Variants in ZBBX observed in about 807,000 individuals in gnomAD.
The protein encoded by ZBBX is zinc finger B-box domain-containing protein 1.
In ZBBX, 101 loss-of-function variants were observed where a neutral mutation model predicts 108.5. The observed-to-expected ratio is 0.93, with a 90% CI of 0.79 to 1.10. The LOEUF (loss-of-function observed/expected upper bound fraction) is 1.10. ZBBX is among the 50% of genes least tolerant of loss of function. The probability of loss-of-function intolerance (pLI) is 0.00; values close to 1 mark genes in which losing one functional copy is unlikely to be tolerated. For missense variants in ZBBX, 1,009 were observed against 941.4 expected, an observed-to-expected ratio of 1.07 and a Z score of -0.94; for synonymous variants, 356 against 323.4, an observed-to-expected ratio of 1.10 and a Z score of -1.08.
At chr3:167,233,211 C>T in the ZBBX span, among the ~76,000 whole-genome samples, 1 of 151,826 alleles carries the variant, frequency 6.6e-6, no homozygotes, top group African/African-American at 2.4e-5. Context: ...CTTTCCCTCA[C>T]CATGGCCTGG....
At chr3:167,395,729 G>T (rs893430145) in intron 1 of ZBBX, among the ~76,000 whole-genome samples, 6 of 151,960 alleles carry the variant, frequency 3.9e-5, no homozygotes, top group African/African-American at 7.2e-5. Flanking sequence ...CGGATTGAAG[G>T]CTGAGGGTTC....
In ZBBX at chr3:167,242,631, T is replaced by C; in HGVS notation, c.2267A>G (p.Lys756Arg). 6.2e-7 allele frequency: 1 copy of C among 1,608,088 alleles called. No homozygotes were observed. The highest frequency in any genetic ancestry group is 8.5e-7 in the Non-Finnish European group (1 of 1,178,306). The change falls in exon 21 of 22, where the codon AAG (lysine) becomes AGG (arginine). Residue 756 changes from lysine to arginine, a missense_variant. Physicochemically the swap from Lys to Arg is conservative, Grantham distance 26. Transcript: ENST00000675490. ...VLRSLADTSE[K>R]LYSLTSEEFP... is the part of the protein sequence containing the mutation. ...CTCTTCTGAGGTTAAGCTGTAAAGC[T>C]TTTCTGAAGTATCTGAAATATTTTA...
intron 20 of ZBBX, among the ~76,000 whole-genome samples, chr3:167,250,945 G>T (rs2108358469): frequency 6.6e-6 from 1 of 152,266 alleles, no homozygotes; most frequent in Non-Finnish European, 1.5e-5. Context: ...AAAACACACA[G>T]GTAGCCAGAT....
intron 20 of ZBBX, among the ~76,000 whole-genome samples, chr3:167,266,425 AC>A: frequency 6.6e-6 from 1 of 151,894 alleles, no homozygotes; most frequent in African/African-American, 2.4e-5. Flanking sequence ...TAAACAGCTT[AC>A]CCCCTTCCCG....
At position 167,315,744 on chromosome 3, in the gene ZBBX, T is replaced by TTTTACC; in HGVS notation, c.1274_1274+5dup. On this transcript the variant is annotated splice_donor_region_variant and intron_variant, in intron 15 of 21. Transcript: ENST00000675490. The stretch of plus-strand genomic sequence containing the variant: ...ATGCACACAAAGTTAATTAGAAAGG[T>TTTTACC]TTTACCTTCGTTGACTGTCTGCATC... The TTTTACC allele has an allele frequency of 6.2e-7, 1 of 1,602,202 alleles. No individual in the cohort carries two copies. The highest frequency in any genetic ancestry group is 1.7e-5 in the Admixed American group (1 of 59,312).
chr3:167,391,949 C>A (rs564580098), intron 1 of ZBBX, among the ~76,000 whole-genome samples: 75 of 151,758 alleles, frequency 4.9e-4, no homozygotes, highest in African/African-American at 1.7e-3. Flanking sequence ...CACTTGAAAT[C>A]AATACTCTCA....
intron 5 of ZBBX, among the ~76,000 whole-genome samples, chr3:167,366,598 T>C (rs922858140): frequency 6.6e-6 from 1 of 151,838 alleles, no homozygotes; most frequent in African/African-American, 2.4e-5. Context: ...ACAGAATAAA[T>C]AATTAAGATT....
chr3:167,398,719 G>T (rs1748328138), intron 1 of ZBBX, among the ~76,000 whole-genome samples: 1 of 152,058 alleles, frequency 6.6e-6, no homozygotes, highest in Non-Finnish European at 1.5e-5. Flanking sequence ...TATACCAGAA[G>T]TAAATTGTTC....
chr3:167,301,061 TTC>T (rs1732582992), intron 17 of ZBBX, among the ~76,000 whole-genome samples: 1 of 152,214 alleles, frequency 6.6e-6, no homozygotes, highest in South Asian at 2.1e-4. Context: ...TTTTTTCTAA[TTC>T]TCTCTCTCCT....
chr3:167,251,052 C>T (rs1722504218), intron 20 of ZBBX, among the ~76,000 whole-genome samples: 1 of 152,168 alleles, frequency 6.6e-6, no homozygotes, highest in Admixed American at 6.5e-5. Context: ...CGACAGAAAC[C>T]AGCACACCAG....
chr3:167,265,726 C>T (rs1393250283), intron 20 of ZBBX, among the ~76,000 whole-genome samples: 1 of 152,172 alleles, frequency 6.6e-6, no homozygotes, highest in Non-Finnish European at 1.5e-5. Flanking sequence ...CACTTCAGCT[C>T]AATGTGGCAT....
At chr3:167,374,200 T>C (rs893375761) in intron 2 of ZBBX, among the ~76,000 whole-genome samples, 6 of 152,136 alleles carry the variant, frequency 3.9e-5, no homozygotes, top group Non-Finnish European at 7.4e-5. Flanking sequence ...CCCAAAGGCA[T>C]TCTAATATCC....
chr3:167,400,203 T>C (rs897107915), intron 1 of ZBBX, among the ~76,000 whole-genome samples: 1 of 152,162 alleles, frequency 6.6e-6, no homozygotes, highest in Non-Finnish European at 1.5e-5. Flanking sequence ...TGATTTGTTT[T>C]CCTTTGGGTA....
At chr3:167,362,263 C>T (rs1744645555) in intron 6 of ZBBX, among the ~76,000 whole-genome samples, 1 of 151,924 alleles carries the variant, frequency 6.6e-6, no homozygotes, top group Non-Finnish European at 1.5e-5. Context: ...TATACTAAAG[C>T]CTATGCCTTA....
Position 167,331,591 on chromosome 3 carries a change from T to C in ZBBX, c.687+2236A>G, listed in dbSNP as rs535868471. 1.1e-4 allele frequency: 110 copies of C among 985,300 alleles called. No individual in the cohort carries two copies. The African/African-American group carries it at 1.7e-3, about 16-fold the overall frequency. 61.0% of individuals were successfully genotyped at this position (985,300 alleles called of 1,614,324 possible). On this transcript the variant is annotated intron_variant, in intron 10 of 21. Transcript: ENST00000675490. ...TGGCTTCCACATAGCTGTGGCAGGG[T>C]AGAAAAAGCTGGAGGGTTGTACATT...
intron 19 of ZBBX, among the ~76,000 whole-genome samples, chr3:167,286,927 G>A (rs748383969): frequency 3.9e-5 from 6 of 152,114 alleles, no homozygotes; most frequent in Non-Finnish European, 5.9e-5. Flanking sequence ...TCTATAACTT[G>A]TGACAGAGCC....
chr3:167,400,120 G>A (rs989188766), intron 1 of ZBBX, among the ~76,000 whole-genome samples: 5 of 152,132 alleles, frequency 3.3e-5, no homozygotes, highest in Non-Finnish European at 5.9e-5. Context: ...GGAACCCTAA[G>A]TTGATTCCGT....
the ZBBX span, among the ~76,000 whole-genome samples, chr3:167,198,280 C>A: frequency 3.3e-5 from 5 of 151,854 alleles, no homozygotes; most frequent in African/African-American, 1.2e-4. Flanking sequence ...TTTTTATAAG[C>A]TTAAGTGAAT....
At chr3:167,310,046 T>C (rs1024359040) in intron 16 of ZBBX, among the ~76,000 whole-genome samples, 3 of 152,184 alleles carry the variant, frequency 2.0e-5, no homozygotes, top group African/African-American at 7.2e-5. Context: ...TGCTTAGAAA[T>C]TCCTTCTGCC....
Sources: allele counts gnomAD v4.1 joint callset (sites outside exome capture counted in the v4.1 genomes callset), GRCh38; gene constraint gnomAD v4.1.1; transcripts MANE v1.5; gene names NCBI Gene and HGNC (gene_info 2026-07-23, HGNC 2026-07-21).